The following FHIP1A variants were observed in gnomAD, a reference collection of about 807,000 sequenced individuals.
FHIP1A encodes the protein FHF complex subunit HOOK-interacting protein 1A.
In FHIP1A, 61 loss-of-function variants were observed where a neutral mutation model predicts 88.6. That is an observed-to-expected ratio of 0.69 (90% CI 0.56 to 0.85). FHIP1A has a LOEUF of 0.85. FHIP1A is among the 40% of genes least tolerant of loss of function. The probability of loss-of-function intolerance (pLI) is 0.00; values close to 1 mark genes in which losing one functional copy is unlikely to be tolerated. For synonymous variants in FHIP1A, 478 were observed against 496.0 expected (o/e 0.96, Z 0.48); for missense variants, 1,154 against 1,273.5 (o/e 0.91, Z 1.43).
At chr4:151,561,899 C>T (rs1382089708) in intron 3 of FHIP1A, among the ~76,000 whole-genome samples, 1 of 152,128 alleles carries the variant, frequency 6.6e-6, no homozygotes, top group Non-Finnish European at 1.5e-5. Context: ...AGGCCATCAT[C>T]CTTCTTTAAT....
chr4:151,419,570 T>TGAACACACCC (rs1733039080), intron 1 of FHIP1A, among the ~76,000 whole-genome samples: 1 of 23,138 alleles, frequency 4.3e-5, no homozygotes, highest in African/African-American at 4.6e-4. Flanking sequence ...TCCTCATTCT[T>TGAACACACCC]TTTTTTTTTT....
chr4:151,633,418 T>C (rs1736229797), intron 8 of FHIP1A, among the ~76,000 whole-genome samples: 1 of 151,948 alleles, frequency 6.6e-6, no homozygotes, highest in Non-Finnish European at 1.5e-5. Flanking sequence ...CTTGAACTCC[T>C]AAAAACCTGA....
chr4:151,633,237 C>T (rs1398581872), intron 8 of FHIP1A, among the ~76,000 whole-genome samples: 3 of 151,760 alleles, frequency 2.0e-5, no homozygotes, highest in African/African-American at 2.4e-5. Context: ...AAACATATAG[C>T]CTATCAAGGC....
intron 1 of FHIP1A, among the ~76,000 whole-genome samples, chr4:151,439,204 G>A (rs887152043): frequency 5.3e-5 from 8 of 152,114 alleles, no homozygotes; most frequent in African/African-American, 1.9e-4. Flanking sequence ...GCTATATGAA[G>A]TTATGCATAA....
chr4:151,652,091 T>G (rs1045161054), intron 11 of FHIP1A, among the ~76,000 whole-genome samples: 2 of 152,166 alleles, frequency 1.3e-5, no homozygotes, highest in Non-Finnish European at 2.9e-5. Context: ...TTCTTTAGAA[T>G]GGCAGCTTTC....
At chr4:151,427,842 G>T (rs1468155250) in intron 1 of FHIP1A, among the ~76,000 whole-genome samples, 1 of 152,052 alleles carries the variant, frequency 6.6e-6, no homozygotes, top group Non-Finnish European at 1.5e-5. Flanking sequence ...TAAAATCATT[G>T]GCGAAGGAAT....
intron 3 of FHIP1A, among the ~76,000 whole-genome samples, chr4:151,546,200 C>T (rs1463486717): frequency 2.0e-5 from 3 of 152,186 alleles, no homozygotes; most frequent in Non-Finnish European, 4.4e-5. Flanking sequence ...TTTTCCTGCC[C>T]TTTGACATCA....
At chr4:151,583,445 T>C (rs567948668) in intron 5 of FHIP1A, among the ~76,000 whole-genome samples, 7 of 152,234 alleles carry the variant, frequency 4.6e-5, no homozygotes, top group Non-Finnish European at 8.8e-5. Context: ...ATGGGCAGGC[T>C]TCTGCTCACA....
At chr4:151,530,343 G>A (rs898260126) in intron 3 of FHIP1A, among the ~76,000 whole-genome samples, 1 of 152,098 alleles carries the variant, frequency 6.6e-6, no homozygotes, top group Non-Finnish European at 1.5e-5. Flanking sequence ...CAGTAGGTAG[G>A]CACCTGGCAC....
Position 151,501,801 on chromosome 4 carries a change from G to GT in FHIP1A, c.-123+19168dup, listed in dbSNP as rs372529550. ...GTCATTTTGTTGTTGAGTTGTAAGA[G>GT]TTTTTTTTTTTTTTTAAATATATTC... On this transcript the variant is annotated intron_variant, in intron 3 of 13. Transcript: ENST00000435205. Among the ~76,000 whole-genome samples, 1,330 of 134,996 alleles carry GT rather than the reference G, an allele frequency of 9.9e-3. 13 individuals are homozygous for GT. Among genetic ancestry groups the GT allele is most frequent in the African/African-American group, 0.029 (1,083 of 36,970 alleles). The allele number at this position is 134,996 out of a possible 152,430, so 88.6% of individuals were successfully genotyped here.
At chr4:151,597,292 G>T (rs1734687260) in intron 7 of FHIP1A, among the ~76,000 whole-genome samples, 1 of 152,110 alleles carries the variant, frequency 6.6e-6, no homozygotes, top group Non-Finnish European at 1.5e-5. Flanking sequence ...CCCCTCTGCT[G>T]CAGGTCTGCT....
chr4:151,589,373 A>G (rs1734339897), intron 7 of FHIP1A, among the ~76,000 whole-genome samples: 1 of 152,248 alleles, frequency 6.6e-6, no homozygotes, highest in Admixed American at 6.5e-5. Context: ...ATTTTGTGAC[A>G]GCAAAAATTA....
chr4:151,444,864 T>C (rs572163712), intron 1 of FHIP1A, among the ~76,000 whole-genome samples: 4 of 152,330 alleles, frequency 2.6e-5, no homozygotes, highest in African/African-American at 7.2e-5. Context: ...TGTATACTCA[T>C]AGAACACTTC....
chr4:151,486,469 T>A (rs1730086624), intron 3 of FHIP1A, among the ~76,000 whole-genome samples: 1 of 152,172 alleles, frequency 6.6e-6, no homozygotes, highest in Admixed American at 6.5e-5. Context: ...TATGTGCATT[T>A]TAACGAGCTC....
At chr4:151,413,319 A>G (rs1732750164) in intron 1 of FHIP1A, among the ~76,000 whole-genome samples, 1 of 152,200 alleles carries the variant, frequency 6.6e-6, no homozygotes, top group Non-Finnish European at 1.5e-5. Flanking sequence ...GAAATAGCTA[A>G]AAGAGTTGAA....
rs1223238507 is a variant in FHIP1A, at chr4:151,566,154, A to G, written c.-106A>G. ...CCATTACAGGTTTTGGAAGGTGACA[A>G]TGAAATGTGAAGAAGTTACATTTCT... On this transcript the variant is annotated 5_prime_UTR_variant, in exon 4 of 14. An upstream start codon of the reference 5' UTR is lost. Transcript: ENST00000435205. The G allele has an allele frequency of 1.7e-6, 1 of 603,984 alleles. No homozygotes were observed. Among genetic ancestry groups the G allele is most frequent in the East Asian group, 3.1e-5 (1 of 32,354 alleles). The allele number at this position is 603,984 out of a possible 1,614,324, so 37.4% of individuals were successfully genotyped here. A position where few individuals can be genotyped will look rare whatever the true frequency, so the allele number is the denominator to read the frequency against.
rs1329461163 is a variant in FHIP1A, at chr4:151,629,971, T to G, written c.1146+102T>G. Reference sequence around the variant, plus strand: ...ATGAATATTCTCTTTTGCTCTCCTTTTTTTTTCTTTTTCTTTTTTGGTTGT... The same window carrying G: ...ATGAATATTCTCTTTTGCTCTCCTTGTTTTTTCTTTTTCTTTTTTGGTTGT... On this transcript the variant is annotated intron_variant, in intron 8 of 13. Transcript: ENST00000435205. 1.0e-5 allele frequency: 10 copies of G among 994,164 alleles called. No homozygotes were observed. The East Asian group carries it at 2.7e-4, about 27-fold the overall frequency. The allele number at this position is 994,164 out of a possible 1,614,324, so 61.6% of individuals were successfully genotyped here.
chr4:151,570,352 T>A (rs1733551023), intron 4 of FHIP1A, among the ~76,000 whole-genome samples: 1 of 152,236 alleles, frequency 6.6e-6, no homozygotes, highest in East Asian at 1.9e-4. Flanking sequence ...TCATTTGCTC[T>A]AAGAAACCTT....
chr4:151,510,747 A>G (rs1731000154), intron 3 of FHIP1A, among the ~76,000 whole-genome samples: 1 of 152,230 alleles, frequency 6.6e-6, no homozygotes, highest in African/African-American at 2.4e-5. Context: ...TAACAGCAGT[A>G]AGGAATCTAA....
Sources: allele counts gnomAD v4.1 joint callset (sites outside exome capture counted in the v4.1 genomes callset), GRCh38; gene constraint gnomAD v4.1.1; transcripts MANE v1.5; gene names NCBI Gene and HGNC (gene_info 2026-07-23, HGNC 2026-07-21).